FAM133A: variants seen among roughly 807,000 people sequenced by gnomAD.
FAM133A encodes family with sequence similarity 133 member A.
For synonymous variants in FAM133A, 65 were observed against 58.6 expected (o/e 1.11, Z -0.50); for missense variants, 159 against 164.4 (o/e 0.97, Z 0.18).
At chrX:93,707,267 AG>A (rs1010213251) in intron 3 of FAM133A, among the ~76,000 whole-genome samples, 3 of 111,604 alleles carry the variant, frequency 2.7e-5, no homozygotes, top group African/African-American at 9.8e-5. Flanking sequence ...AAGACCTAAA[AG>A]GGCTGCCTAT....
intron 3 of FAM133A, among the ~76,000 whole-genome samples, chrX:93,700,173 G>A (rs1409814352): frequency 1.8e-5 from 2 of 109,463 alleles, no homozygotes; most frequent in Admixed American, 9.8e-5. Flanking sequence ...CCACATTCTA[G>A]ATTTATCTGC....
intron 2 of FAM133A, among the ~76,000 whole-genome samples, chrX:93,675,097 G>T (rs896264523): frequency 8.9e-6 from 1 of 111,868 alleles, no homozygotes; most frequent in African/African-American, 3.2e-5. Flanking sequence ...GTTAGGAAAC[G>T]CTTTTCTGTT....
At chrX:93,696,100 T>C (rs1215380610) in intron 2 of FAM133A, among the ~76,000 whole-genome samples, 2 of 111,963 alleles carry the variant, frequency 1.8e-5, no homozygotes, top group Non-Finnish European at 3.8e-5. Flanking sequence ...GTTAACTGAC[T>C]GAATTGGTAA....
rs749036814 is a variant in FAM133A at position 93,699,064 on chromosome X, G to A, written c.-104+579G>A. ...AAAAGGTCTTGGGCAGAGGGAATAT[G>A]GCATATCAGGGATACTGAAAGAAAG... On this transcript the variant is annotated intron_variant, in intron 3 of 3. Transcript: ENST00000683942. Among the ~76,000 whole-genome samples, 5 of 111,205 alleles carry A rather than the reference G, an allele frequency of 4.5e-5. No homozygotes were observed. The East Asian group carries it at 1.4e-3, about 32-fold the overall frequency.
At position 93,711,340 on chromosome X, in the gene FAM133A, T is replaced by G. The variant is rs771108915; in HGVS notation, c.*1174T>G. ...AGATTGTTGTCTTAAGCATTAATAT[T>G]GAATTTATATAGAAGTTAAATGTAG... On this transcript the variant is annotated 3_prime_UTR_variant, in exon 4 of 4. Coordinates refer to ENST00000683942, the MANE Select transcript of FAM133A (RefSeq NM_001171109.2). 8.1e-6 allele frequency: 1 copy of G among 122,763 alleles called. No individual in the cohort carries two copies. The highest frequency in any genetic ancestry group is 3.8e-4 in the South Asian group (1 of 2,635). The allele number at this position is 122,763 out of a possible 1,213,427, so 10.1% of individuals were successfully genotyped here.
intron 2 of FAM133A, among the ~76,000 whole-genome samples, chrX:93,683,285 T>G (rs1925288062): frequency 8.9e-6 from 1 of 111,957 alleles, no homozygotes; most frequent in African/African-American, 3.2e-5. Flanking sequence ...ATTGCAAAAT[T>G]GCTTTACATA....
chrX:93,685,605 A>C (rs2147601785), intron 2 of FAM133A, among the ~76,000 whole-genome samples: 1 of 112,097 alleles, frequency 8.9e-6, no homozygotes, highest in South Asian at 3.7e-4. Context: ...TAGTAAAAAG[A>C]AAAATTAATA....
chrX:93,692,817 G>C (rs914218521), intron 2 of FAM133A, among the ~76,000 whole-genome samples: 1 of 111,453 alleles, frequency 9.0e-6, no homozygotes, highest in Non-Finnish European at 1.9e-5. Context: ...TTACTTCCAT[G>C]TTGTCAGCAT....
At chrX:93,677,459 C>A (rs1057211698) in intron 2 of FAM133A, among the ~76,000 whole-genome samples, 1 of 111,279 alleles carries the variant, frequency 9.0e-6, no homozygotes, top group Non-Finnish European at 1.9e-5. Flanking sequence ...CAAGTGAATT[C>A]TTTTTTAAAA....
intron 3 of FAM133A, among the ~76,000 whole-genome samples, chrX:93,705,046 A>G (rs1393373444): frequency 2.7e-5 from 3 of 111,242 alleles, no homozygotes; most frequent in Admixed American, 1.9e-4. Flanking sequence ...TGTTTCTTTC[A>G]TAGCATCCTG....
intron 3 of FAM133A, among the ~76,000 whole-genome samples, chrX:93,708,917 A>G (rs907960688): frequency 9.0e-6 from 1 of 111,614 alleles, no homozygotes; most frequent in Admixed American, 9.5e-5. Flanking sequence ...GTCAAAAGGA[A>G]TGGAGAGGGT....
chrX:93,679,863 C>T (rs958624435), intron 2 of FAM133A, among the ~76,000 whole-genome samples: 1 of 99,992 alleles, frequency 1.0e-5, no homozygotes, highest in African/African-American at 3.8e-5. Context: ...ATTCTCCTGC[C>T]TCAGTCTCCC....
chrX:93,689,052 T>A (rs1327766595), intron 2 of FAM133A, among the ~76,000 whole-genome samples: 1 of 21,645 alleles, frequency 4.6e-5, no homozygotes, highest in African/African-American at 1.5e-4. Flanking sequence ...TAACAGCAAT[T>A]TTTTTTTTTT....
intron 2 of FAM133A, among the ~76,000 whole-genome samples, chrX:93,697,181 A>ATATATATATAT (rs1249383575): frequency 3.9e-5 from 3 of 76,035 alleles, no homozygotes; most frequent in African/African-American, 1.2e-4. Context: ...ATATATATAT[A>ATATATATATAT]TATATATATA....
chrX:93,696,413 C>CA (rs1392496157), intron 2 of FAM133A, among the ~76,000 whole-genome samples: 1 of 111,574 alleles, frequency 9.0e-6, no homozygotes, highest in Non-Finnish European at 1.9e-5. Context: ...CACCTCAAAA[C>CA]AATTTAAGTA....
chrX:93,682,023 G>T (rs1176370645), intron 2 of FAM133A, among the ~76,000 whole-genome samples: 1 of 111,462 alleles, frequency 9.0e-6, no homozygotes, highest in African/African-American at 3.3e-5. Context: ...TCTTTGAAAG[G>T]TCTTTCTGAA....
At chrX:93,700,469 C>T (rs1300997784) in intron 3 of FAM133A, among the ~76,000 whole-genome samples, 1 of 111,330 alleles carries the variant, frequency 9.0e-6, no homozygotes, top group Non-Finnish European at 1.9e-5. Flanking sequence ...CAGCTTAAGA[C>T]ATTTTTCCAT....
chrX:93,710,031 G>C lies in FAM133A; in HGVS notation c.612G>C (p.Val204=), dbSNP rs764830185. 1.7e-6 allele frequency: 2 copies of C among 1,205,105 alleles called. No homozygotes were observed. The highest frequency in any genetic ancestry group is 4.4e-5 in the Admixed American group (2 of 45,457). Residue 204 remains valine, a synonymous_variant, in exon 4 of 4, where the codon GTG becomes GTC. Coordinates refer to ENST00000683942, the MANE Select transcript of FAM133A (RefSeq NM_001171109.2). ...CTGAATCAGATTATGAAGAGGATGT[G>C]CAAGCAAAAAAGAAGAGAAGGTGTG... ...SSSESDYEED[V]QAKKKRRCEE...
chrX:93,691,127 G>T (rs1353572972), intron 2 of FAM133A, among the ~76,000 whole-genome samples: 1 of 111,135 alleles, frequency 9.0e-6, no homozygotes, highest in Non-Finnish European at 1.9e-5. Flanking sequence ...GATGACTTTT[G>T]AGTAACACAA....
Sources: gnomAD v4.1 joint callset for allele counts (sites outside exome capture counted in the v4.1 genomes callset) on GRCh38, gnomAD v4.1.1 for gene constraint, MANE v1.5 for transcripts, NCBI Gene and HGNC (gene_info 2026-07-23, HGNC 2026-07-21) for gene names.